MCC: variants seen among roughly 807,000 people sequenced by gnomAD.
MCC encodes the protein MCC regulator of Wnt signaling pathway.
A neutral mutation model predicts 116.2 loss-of-function variants in MCC; 90 were observed. The observed-to-expected ratio is 0.77, with a 90% CI of 0.65 to 0.92. The LOEUF is 0.92. Among genes scored for constraint, MCC ranks in the 40% least tolerant of loss-of-function variants. The pLI, the probability that MCC is intolerant of heterozygous loss-of-function variation, is 0.00. For missense variants in MCC, 1,516 were observed against 1,312.2 expected (o/e 1.16, Z -2.40); for synonymous variants, 578 against 510.5 (o/e 1.13, Z -1.78).
chr5:113,311,653 C>G (rs1303139272), intron 3 of MCC, among the ~76,000 whole-genome samples: 2 of 152,166 alleles, frequency 1.3e-5, no homozygotes, highest in Non-Finnish European at 2.9e-5. Flanking sequence ...CAACAGATAA[C>G]TGACACATTG....
rs772284614 is a variant in MCC at position 113,064,019 on chromosome 5, C to T, written c.2178G>A (p.Gln726=). Residue 726 remains glutamine (Q), a synonymous_variant, in exon 14 of 19, where the codon CAG becomes CAA. Transcript: ENST00000408903. ...GAFAVAGCSV[Q]PWESLSSNSH... is the part of the protein sequence containing the mutation. ...TGTTGGAGGAAAGGCTCTCCCAGGG[C>T]TGCACGCTGCAGCCGGCCACGGCAA... is the stretch of plus-strand genomic sequence containing the variant. 6.2e-7 allele frequency: 1 copy of T among 1,613,656 alleles called. No homozygotes were observed. Among genetic ancestry groups the T allele is most frequent in the African/African-American group, 1.3e-5 (1 of 74,940 alleles).
rs769744769 is a variant in MCC at position 113,068,103 on chromosome 5, G to C, written c.2006C>G (p.Ala669Gly). ...EQSLILGQFR[A>G]AGVGSSPGDQ... ...ACCAGGGGAGGACCCCACGCCCGCCGCTCGGAACTGCCCCAGGATGAGGCT... is the reference window on the plus strand; with the variant it reads ...ACCAGGGGAGGACCCCACGCCCGCCCCTCGGAACTGCCCCAGGATGAGGCT... The change falls in exon 13 of 19, where the codon GCG (alanine) becomes GGG (glycine). Residue 669 changes from alanine (A) to glycine (G), a missense_variant. By Grantham distance (60) the Ala-to-Gly change is moderately conservative (BLOSUM62 0). Transcript: ENST00000408903. 1.2e-6 allele frequency: 2 copies of C among 1,614,128 alleles called. No individual in the cohort carries two copies. Among genetic ancestry groups the C allele is most frequent in the Non-Finnish European group, 1.7e-6 (2 of 1,179,998 alleles).
chr5:113,281,082 C>G lies in MCC; in HGVS notation c.627+59437G>C, dbSNP rs558638377. Among the ~76,000 whole-genome samples the G allele has an allele frequency of 2.0e-3, 305 of 152,298 alleles. 1 individual carries two copies. The highest frequency in any genetic ancestry group is 3.2e-3 in the Non-Finnish European group (221 of 68,024). On this transcript the variant is annotated intron_variant, in intron 3 of 18. Coordinates refer to ENST00000408903, the MANE Select transcript of MCC (RefSeq NM_001085377.2). ...CCTCCTTTTGACCATTAGCCAAAAC[C>G]TCAATAAAGTATCAGAGGCTTTAAA...
rs1358408772 is a variant in MCC at position 113,025,262 on chromosome 5, A to T, written c.*2040T>A. 6.7e-6 allele frequency: 1 copy of T among 150,200 alleles called. No homozygotes were observed. Among genetic ancestry groups the T allele is most frequent in the Non-Finnish European group, 1.5e-5 (1 of 67,588 alleles). 9.3% of individuals were successfully genotyped at this position (150,200 alleles called of 1,614,324 possible). A position where few individuals can be genotyped will look rare whatever the true frequency, so the allele number is the denominator to read the frequency against. On this transcript the variant is annotated 3_prime_UTR_variant, in exon 19 of 19. Coordinates refer to ENST00000408903, the MANE Select transcript of MCC (RefSeq NM_001085377.2). ...AAACTGATTTTTTTTTTTTTGGGGC[A>T]TATGTTTTTCAGCCAAAACATTTTC...
At chr5:113,172,138 A>G (rs538826053) in intron 3 of MCC, among the ~76,000 whole-genome samples, 11 of 152,298 alleles carry the variant, frequency 7.2e-5, no homozygotes, top group African/African-American at 2.6e-4. Flanking sequence ...GACAGTTCAT[A>G]CCCAATAGAC....
intron 2 of MCC, among the ~76,000 whole-genome samples, chr5:113,347,612 A>C (rs1768166143): frequency 1.3e-5 from 2 of 152,158 alleles, no homozygotes; most frequent in Admixed American, 1.3e-4. Context: ...AAACCACACC[A>C]CCAGAGAAAA....
At chr5:113,237,455 T>C (rs1764174188) in intron 3 of MCC, among the ~76,000 whole-genome samples, 1 of 152,300 alleles carries the variant, frequency 6.6e-6, no homozygotes, top group Middle Eastern at 3.4e-3. Flanking sequence ...TGTTCAAAAA[T>C]ATTTTTATGG....
At chr5:113,387,838 T>C (rs1202197531) in intron 1 of MCC, among the ~76,000 whole-genome samples, 1 of 152,228 alleles carries the variant, frequency 6.6e-6, no homozygotes, top group Non-Finnish European at 1.5e-5. Flanking sequence ...CAATAAACAG[T>C]AGCCATTATT....
intron 17 of MCC, among the ~76,000 whole-genome samples, chr5:113,032,137 G>A (rs1431575349): frequency 1.3e-5 from 2 of 152,214 alleles, no homozygotes; most frequent in East Asian, 1.9e-4. Flanking sequence ...GGGGCCGGGC[G>A]CTGTGGCTCA....
At position 113,076,234 on chromosome 5, in the gene MCC, T is replaced by C. The variant is rs767515018; in HGVS notation, c.1785-5000A>G. Among the ~76,000 whole-genome samples the C allele has an allele frequency of 5.3e-5, 8 of 152,282 alleles. No homozygotes were observed. The South Asian group carries it at 8.3e-4, about 16-fold the overall frequency. ...AATGGAACCAAGCTGGAAAGCACTC[T>C]GCAGGATATTATCCAGGAGAACGTC... On this transcript the variant is annotated intron_variant, in intron 11 of 18. Coordinates refer to ENST00000408903, the MANE Select transcript of MCC (RefSeq NM_001085377.2).
At chr5:113,219,472 A>T (rs368295744) in intron 3 of MCC, among the ~76,000 whole-genome samples, 29 of 152,308 alleles carry the variant, frequency 1.9e-4, no homozygotes, top group African/African-American at 6.7e-4. Flanking sequence ...ACATGTTTTT[A>T]TTTTCCTAAT....
At chr5:113,075,112 C>T (rs1211083670) in intron 11 of MCC, among the ~76,000 whole-genome samples, 1 of 152,228 alleles carries the variant, frequency 6.6e-6, no homozygotes, top group Admixed American at 6.5e-5. Context: ...CATGGGCTCA[C>T]CAGGCCCCGC....
intron 3 of MCC, among the ~76,000 whole-genome samples, chr5:113,290,979 C>T (rs1173290380): frequency 6.6e-6 from 1 of 152,152 alleles, no homozygotes; most frequent in African/African-American, 2.4e-5. Flanking sequence ...GTTGTTACTG[C>T]TATGAATTCC....
In MCC at chr5:113,270,910, A is replaced by AAT. The variant is rs550966776; in HGVS notation, c.627+69607_627+69608dup. ...TTACCTCTTAAATTGCCCTGCAAAA[A>AAT]ATATATATATATACAAACAAAAAGC... On this transcript the variant is annotated intron_variant, in intron 3 of 18. Transcript: ENST00000408903. 1.3e-3 allele frequency among the ~76,000 whole-genome samples: 201 copies of AAT among 151,608 alleles called. 5 individuals are homozygous for AAT. The East Asian group carries it at 0.02, about 15-fold the overall frequency.
At chr5:113,467,824 TG>T (rs1365296638) in intron 1 of MCC, among the ~76,000 whole-genome samples, 3 of 152,250 alleles carry the variant, frequency 2.0e-5, no homozygotes, top group African/African-American at 7.2e-5. Context: ...GAGCATGGAA[TG>T]TTCTTGCATT....
At chr5:113,116,970 G>T (rs1757432016) in intron 6 of MCC, among the ~76,000 whole-genome samples, 1 of 152,110 alleles carries the variant, frequency 6.6e-6, no homozygotes, top group African/African-American at 2.4e-5. Context: ...GGTAACAAAG[G>T]GCTTGGCCTG....
intron 3 of MCC, among the ~76,000 whole-genome samples, chr5:113,314,077 C>T (rs1335166346): frequency 6.6e-6 from 1 of 152,082 alleles, no homozygotes; most frequent in African/African-American, 2.4e-5. Context: ...CCTCAGCCTC[C>T]CAAAGTGCTG....
At chr5:113,164,622 G>A (rs914170171) in intron 3 of MCC, among the ~76,000 whole-genome samples, 1 of 152,224 alleles carries the variant, frequency 6.6e-6, no homozygotes, top group East Asian at 1.9e-4. Context: ...CGAGATAGGT[G>A]CTACAATGAA....
intron 5 of MCC, among the ~76,000 whole-genome samples, chr5:113,131,868 G>A (rs1163408397): frequency 6.6e-6 from 1 of 152,100 alleles, no homozygotes; most frequent in African/African-American, 2.4e-5. Flanking sequence ...GGGTGGGAAT[G>A]GTATCAAGTG....
Sources: gnomAD v4.1 joint callset for allele counts (sites outside exome capture counted in the v4.1 genomes callset) on GRCh38, gnomAD v4.1.1 for gene constraint, MANE v1.5 for transcripts, NCBI Gene and HGNC (gene_info 2026-07-23, HGNC 2026-07-21) for gene names.